The following SH3BP4 variants were observed in gnomAD, a reference collection of about 807,000 sequenced individuals.
SH3BP4 encodes the protein SH3 domain binding protein 4.
SH3BP4 carries 33 observed loss-of-function variants against 65.5 expected under a neutral mutation model. The ratio of observed to expected loss-of-function variants is 0.50; its 90% CI spans 0.38 to 0.67. SH3BP4 has a LOEUF of 0.67. SH3BP4 is among the 30% of genes least tolerant of loss of function. The pLI, the probability that SH3BP4 is intolerant of heterozygous loss-of-function variation, is 0.00. For synonymous variants in SH3BP4, 552 were observed against 545.5 expected, an observed-to-expected ratio of 1.01 and a Z score of -0.17; for missense variants, 1,134 against 1,261.4, an observed-to-expected ratio of 0.90 and a Z score of 1.53.
intron 1 of SH3BP4, among the ~76,000 whole-genome samples, chr2:234,963,225 A>G (rs1692755923): frequency 6.6e-6 from 1 of 152,238 alleles, no homozygotes. Flanking sequence ...TGAAATTATA[A>G]ACAACACTGC....
In SH3BP4 at chr2:235,042,540, G is replaced by T; in HGVS notation, c.1771G>T (p.Val591Phe). ...CGAGCTCTCTGACTTCACGCTGCGG[G>T]TTCAGGTGAAGGACGACCAGGAGGC... is the stretch of plus-strand genomic sequence containing the variant. Reference protein sequence around the residue: ...PNELSDFTLRVQVKDDQEAIL... With the variant: ...PNELSDFTLRFQVKDDQEAIL... The change falls in exon 4 of 6, where the codon GTT becomes TTT. Residue 591 changes from valine (V) to phenylalanine (F), a missense_variant. Val to Phe is a conservative substitution (Grantham distance 50, BLOSUM62 -1). Transcript: ENST00000392011. This position sits in a 1 kb window ranked among gnomAD's most constrained non-coding sequence, Gnocchi z 7.3. 1.2e-6 allele frequency: 2 copies of T among 1,614,146 alleles called. No homozygotes were observed. The highest frequency in any genetic ancestry group is 8.5e-7 in the Non-Finnish European group (1 of 1,180,042).
chr2:235,043,932 C>G (rs1408511373), intron 4 of SH3BP4, among the ~76,000 whole-genome samples: 1 of 152,258 alleles, frequency 6.6e-6, no homozygotes, highest in Non-Finnish European at 1.5e-5. Flanking sequence ...GTTACTTTTC[C>G]CACCGAATCT....
At chr2:235,002,031 T>C (rs1379021691) in intron 2 of SH3BP4, among the ~76,000 whole-genome samples, 1 of 152,088 alleles carries the variant, frequency 6.6e-6, no homozygotes, top group Admixed American at 6.5e-5. Context: ...TGGCTAATTT[T>C]TGTATTTTTA....
intron 3 of SH3BP4, among the ~76,000 whole-genome samples, chr2:235,037,377 G>A (rs1695420191): frequency 6.6e-6 from 1 of 152,190 alleles, no homozygotes; most frequent in African/African-American, 2.4e-5. Context: ...GAAAGGAAGA[G>A]TGGGGTGATT....
intron 4 of SH3BP4, 139 bp downstream of exon 4, chr2:235,043,386 A>T: frequency 5.1e-6 from 3 of 592,458 alleles, no homozygotes; most frequent in Non-Finnish European, 6.0e-6. Context: ...GCTGCCTGAG[A>T]TAGGTGCGGC....
intron 3 of SH3BP4, among the ~76,000 whole-genome samples, chr2:235,038,312 T>TAA (rs1491342675): frequency 1.1e-3 from 11 of 10,246 alleles, no homozygotes; most frequent in Admixed American, 2.2e-3. Context: ...TATATATATA[T>TAA]TATATATTAT....
intron 4 of SH3BP4, among the ~76,000 whole-genome samples, chr2:235,048,020 C>A (rs927250690): frequency 1.3e-5 from 2 of 151,936 alleles, no homozygotes; most frequent in African/African-American, 4.8e-5. Flanking sequence ...CGCATTGGGG[C>A]GGGAAAGACT....
chr2:235,005,006 A>G (rs1221298931), intron 2 of SH3BP4, among the ~76,000 whole-genome samples: 3 of 152,310 alleles, frequency 2.0e-5, no homozygotes, highest in Middle Eastern at 3.4e-3. Context: ...CACTGTTGGC[A>G]TGGACCAGCA....
intron 1 of SH3BP4, among the ~76,000 whole-genome samples, chr2:234,968,201 G>A (rs1423601816): frequency 2.0e-5 from 3 of 152,114 alleles, no homozygotes; most frequent in African/African-American, 7.2e-5. Context: ...TCTATTCAGG[G>A]AATATTTGTT....
intron 2 of SH3BP4, among the ~76,000 whole-genome samples, chr2:235,003,408 A>G (rs192923816): frequency 2.0e-5 from 3 of 152,402 alleles, no homozygotes; most frequent in East Asian, 3.9e-4. Context: ...TTGGAGGTGC[A>G]GATAATGCAT....
Position 235,035,326 on chromosome 2 carries a change from C to T in SH3BP4, c.118+206C>T, listed in dbSNP as rs1309756331. Among the ~76,000 whole-genome samples, 3 of 152,068 alleles carry T rather than the reference C, an allele frequency of 2.0e-5. No individual in the cohort carries two copies. In the East Asian group the frequency reaches 5.8e-4, roughly 29 times the overall value. ...TTTGGTTCCCCCTTATTAGTGAAAC[C>T]CCTTCTTAATACAGGGTATGTTTCT... On this transcript the variant is annotated intron_variant, in intron 3 of 5. Transcript: ENST00000392011. This position sits in a 1 kb window ranked among gnomAD's most constrained non-coding sequence, Gnocchi z 5.0.
In SH3BP4 at chr2:235,052,693, G is replaced by T; in HGVS notation, c.2610G>T (p.Gln870His). ...LAEKLAKVSK[Q>H]QMDAYESPHR... ...AGAAGCTGGCCAAGGTCTCCAAGCA[G>T]CAGATGGACGCCTACGAGTCTCCCC... The change falls in exon 5 of 6, where the codon CAG becomes CAT. Residue 870 changes from glutamine (Q) to histidine (H), a missense_variant. Physicochemically the swap from Gln to His is conservative, Grantham distance 24 (BLOSUM62 0). Transcript: ENST00000392011. The surrounding 1 kb of genome is among the most constrained non-coding windows in gnomAD (Gnocchi z 5.0). 1 of 1,605,356 alleles carries T rather than the reference G, an allele frequency of 6.2e-7. No homozygotes were observed. Among genetic ancestry groups the T allele is most frequent in the South Asian group, 1.1e-5 (1 of 89,054 alleles).
chr2:234,981,422 C>T (rs1037367777), intron 1 of SH3BP4, among the ~76,000 whole-genome samples: 1 of 152,148 alleles, frequency 6.6e-6, no homozygotes. Context: ...TGAGTCAGCA[C>T]GGGACCTGGA....
rs1468754838 is a variant in SH3BP4 at position 235,042,055 on chromosome 2, C to T, written c.1286C>T (p.Pro429Leu). ...DSKEGPYVSV[P>L]LNCSCGDTVQ... ...AAGGAAGGGCCATATGTCTCCGTCC[C>T]GCTCAACTGCAGCTGTGGGGACACG... The change falls in exon 4 of 6, where the codon CCG becomes CTG. Residue 429 changes from proline to leucine, a missense_variant. Coordinates refer to ENST00000392011, the MANE Select transcript of SH3BP4 (RefSeq NM_014521.3). This position sits in a 1 kb window ranked among gnomAD's most constrained non-coding sequence, Gnocchi z 7.3. The T allele has an allele frequency of 5.0e-6, 8 of 1,614,048 alleles. No homozygotes were observed. Among genetic ancestry groups the T allele is most frequent in the East Asian group, 2.2e-5 (1 of 44,870 alleles).
intron 2 of SH3BP4, among the ~76,000 whole-genome samples, chr2:235,011,249 C>T (rs1694495346): frequency 6.6e-6 from 1 of 151,914 alleles, no homozygotes; most frequent in African/African-American, 2.4e-5. Context: ...CCTCTCTCTC[C>T]TAGCTTCTGG....
intron 1 of SH3BP4, among the ~76,000 whole-genome samples, chr2:234,961,968 T>C (rs1024539578): frequency 2.0e-5 from 3 of 152,012 alleles, no homozygotes; most frequent in Admixed American, 6.5e-5. Flanking sequence ...GCAGGTAGCA[T>C]AGAAGGACCA....
rs769239614 is a variant in SH3BP4, at chr2:235,053,861, C to CTGCCCTGCG, written c.*54_*62dup. ...GCTGCTCTGGAGTGCAAGCCCTCTT[C>CTGCCCTGCG]TGCCCTGCGTGCCCTGCTGTCACCG... On this transcript the variant is annotated 3_prime_UTR_variant, in exon 6 of 6. Coordinates refer to ENST00000392011, the MANE Select transcript of SH3BP4 (RefSeq NM_014521.3). 54 of 1,470,832 alleles carry CTGCCCTGCG rather than the reference C, an allele frequency of 3.7e-5. No homozygotes were observed. In the African/African-American group the frequency reaches 6.3e-4, roughly 17 times the overall value. The allele number at this position is 1,470,832 out of a possible 1,614,324, so 91.1% of individuals were successfully genotyped here. A position where few individuals can be genotyped will look rare whatever the true frequency, so the allele number is the denominator to read the frequency against.
At chr2:235,020,655 T>C (rs1008165309) in intron 2 of SH3BP4, among the ~76,000 whole-genome samples, 1 of 152,154 alleles carries the variant, frequency 6.6e-6, no homozygotes, top group African/African-American at 2.4e-5. Context: ...AAAGAAAACA[T>C]TTTGAGTCCT....
intron 2 of SH3BP4, among the ~76,000 whole-genome samples, chr2:235,001,613 G>A (rs937937895): frequency 1.3e-5 from 2 of 152,112 alleles, no homozygotes; most frequent in African/African-American, 4.8e-5. Context: ...TTATCTTTAG[G>A]TTTTTCATTG....
Sources: gnomAD v4.1 joint callset for allele counts (sites outside exome capture counted in the v4.1 genomes callset) on GRCh38, gnomAD v4.1.1 for gene constraint, Gnocchi (gnomAD v3.1) non-coding constraint, MANE v1.5 for transcripts, NCBI Gene and HGNC (gene_info 2026-07-23, HGNC 2026-07-21) for gene names.